The following WASHC4 variants were observed in gnomAD, a reference collection of about 807,000 sequenced individuals.
WASHC4 encodes the protein WASH complex subunit 7.
WASHC4 carries 86 observed loss-of-function variants against 166.6 expected under a neutral mutation model. The ratio of observed to expected loss-of-function variants is 0.52; its 90% CI spans 0.43 to 0.62. The LOEUF (loss-of-function observed/expected upper bound fraction) is 0.62. Among genes scored for constraint, WASHC4 ranks in the 20% least tolerant of loss-of-function variants. WASHC4 has a pLI of 0.00. For missense variants in WASHC4, 1,262 were observed against 1,382.4 expected, an observed-to-expected ratio of 0.91 and a Z score of 1.38; for synonymous variants, 446 against 451.6, an observed-to-expected ratio of 0.99 and a Z score of 0.16.
At chr12:105,127,321 T>A (rs1330304148) in intron 13 of WASHC4, 32 bp downstream of exon 13, 2 of 1,393,562 alleles carry the variant, frequency 1.4e-6, no homozygotes, top group East Asian at 2.3e-5. Flanking sequence ...AATGAAAATA[T>A]TTAGATATCC....
At position 105,156,741 on chromosome 12, in the gene WASHC4, A is replaced by G. The variant is rs1349850238; in HGVS notation, c.2774A>G (p.Tyr925Cys). Reference sequence around the variant, plus strand: ...GGTTTTTAAGGTAATGCTATGGGCTATGTACGAATGATAAGATCTGGTGGT... The same window carrying G: ...GGTTTTTAAGGTAATGCTATGGGCTGTGTACGAATGATAAGATCTGGTGGT... ...LISQIGNAMG[Y>C]VRMIRSGGLH... is the part of the protein sequence containing the mutation. Residue 925 changes from tyrosine to cysteine, a missense_variant, in exon 27 of 33, where the codon TAT (tyrosine) becomes TGT (cysteine). Physicochemically the swap from Tyr to Cys is radical, Grantham distance 194. Transcript: ENST00000332180. The G allele has an allele frequency of 2.2e-5, 36 of 1,611,810 alleles. No homozygotes were observed. Among genetic ancestry groups the G allele is most frequent in the Non-Finnish European group, 3.1e-5 (36 of 1,178,310 alleles).
intron 26 of WASHC4, among the ~76,000 whole-genome samples, 172 bp downstream of exon 26, chr12:105,152,623 C>T (rs1401468820): frequency 1.3e-5 from 2 of 152,102 alleles, no homozygotes; most frequent in Non-Finnish European, 2.9e-5. Flanking sequence ...ACTGTTGCTG[C>T]AGAAATAATT....
At position 105,117,647 on chromosome 12, in the gene WASHC4, AAT is replaced by A. The variant is rs540013379; in HGVS notation, c.436-796_436-795del. Among the ~76,000 whole-genome samples the A allele has an allele frequency of 1.5e-3, 234 of 152,290 alleles. 1 individual carries two copies. Among genetic ancestry groups the A allele is most frequent in the African/African-American group, 5.4e-3 (224 of 41,558 alleles). On this transcript the variant is annotated intron_variant, in intron 6 of 32. Transcript: ENST00000332180. ...AAATTCCGTTTTTAAACATTCAACA[AAT>A]ATGTTTTGTAAGCCTAGTATATGCT...
At chr12:105,131,051 G>C (rs1370332614) in intron 13 of WASHC4, among the ~76,000 whole-genome samples, 1 of 151,506 alleles carries the variant, frequency 6.6e-6, no homozygotes, top group African/African-American at 2.4e-5. Flanking sequence ...ACTTGAAGCA[G>C]TTTTGTTTTT....
At chr12:105,124,118 C>CTTT (rs544937988) in intron 10 of WASHC4, among the ~76,000 whole-genome samples, 2 of 138,966 alleles carry the variant, frequency 1.4e-5, no homozygotes, top group Non-Finnish European at 1.6e-5. Context: ...GTAAATATAA[C>CTTT]TTTTTTTTTT....
intron 1 of WASHC4, among the ~76,000 whole-genome samples, chr12:105,108,358 TA>T (rs1368895798): frequency 6.6e-6 from 1 of 152,240 alleles, no homozygotes; most frequent in African/African-American, 2.4e-5. Flanking sequence ...CGCGTTGCTA[TA>T]ACCGTAGAAG....
intron 26 of WASHC4, among the ~76,000 whole-genome samples, chr12:105,152,679 A>G (rs776106464): frequency 7.2e-5 from 11 of 152,214 alleles, no homozygotes; most frequent in African/African-American, 1.2e-4. Context: ...TTCAATTATA[A>G]TTAAAGTTAT....
At chr12:105,164,080 A>T in intron 30 of WASHC4, 31 bp from the exon 31 acceptor site, 1 of 1,599,260 alleles carries the variant, frequency 6.3e-7, no homozygotes. Flanking sequence ...TACTCACTGT[A>T]ATTTAACCTT....
intron 8 of WASHC4, 98 bp from the exon 9 acceptor site, chr12:105,120,998 TACTAA>T: frequency 1.3e-6 from 1 of 765,040 alleles, no homozygotes; most frequent in Non-Finnish European, 2.3e-6. Context: ...CCACTACTTT[TACTAA>T]TTCAGTAATC....
chr12:105,160,549 A>C (rs186859473), intron 29 of WASHC4, among the ~76,000 whole-genome samples: 1 of 152,080 alleles, frequency 6.6e-6, no homozygotes. Flanking sequence ...ATGGGGTCTC[A>C]CTGTGTAGCC....
At chr12:105,117,618 A>G (rs1880311538) in intron 6 of WASHC4, among the ~76,000 whole-genome samples, 1 of 152,226 alleles carries the variant, frequency 6.6e-6, no homozygotes, top group Non-Finnish European at 1.5e-5. Context: ...TCACAGCTGC[A>G]TAAAAATTCC....
intron 12 of WASHC4, among the ~76,000 whole-genome samples, chr12:105,126,563 G>C (rs1881306209): frequency 6.6e-6 from 1 of 151,984 alleles, no homozygotes; most frequent in Non-Finnish European, 1.5e-5. Flanking sequence ...CATATTGGTA[G>C]ATGGTGTTCA....
chr12:105,147,851 GC>G, intron 24 of WASHC4: 2 of 753,926 alleles, frequency 2.7e-6, no homozygotes, highest in Non-Finnish European at 3.2e-6. Flanking sequence ...GTTGCAGTGA[GC>G]TGAGATTGCG....
intron 29 of WASHC4, 95 bp from the exon 30 acceptor site, chr12:105,162,654 T>G: frequency 1.4e-6 from 1 of 711,274 alleles, no homozygotes. Context: ...CTATTTATAG[T>G]GATTCTATTT....
At position 105,140,330 on chromosome 12, in the gene WASHC4, G is replaced by A. The variant is rs1371341609; in HGVS notation, c.1489G>A (p.Val497Met). Residue 497 changes from valine to methionine, a missense_variant, in exon 16 of 33, where the codon GTG becomes ATG. Coordinates refer to ENST00000332180, the MANE Select transcript of WASHC4 (RefSeq NM_015275.3). ...EHMFYRRSMV[V>M]ADSVSHITQH... ...TATGTTCTACAGGAGAAGCATGGTT[G>A]TGGCTGATTCAGTTTCACATATAAC... 1.2e-6 allele frequency: 2 copies of A among 1,613,794 alleles called. No individual in the cohort carries two copies. The highest frequency in any genetic ancestry group is 1.7e-6 in the Non-Finnish European group (2 of 1,179,704).
At chr12:105,108,641 C>G (rs987713969) in intron 1 of WASHC4, among the ~76,000 whole-genome samples, 7 of 152,146 alleles carry the variant, frequency 4.6e-5, no homozygotes, top group African/African-American at 1.7e-4. Flanking sequence ...TAGTGAAACT[C>G]TACTTGAAAT....
chr12:105,129,379 A>T (rs1196820), intron 13 of WASHC4, among the ~76,000 whole-genome samples: 515 of 152,314 alleles, frequency 3.4e-3, no homozygotes, highest in Non-Finnish European at 5.4e-3. Flanking sequence ...CCATCACACC[A>T]GGCCTCTTTT....
At chr12:105,127,354 A>G (rs1281875741) in intron 13 of WASHC4, 65 bp downstream of exon 13, 1 of 1,100,444 alleles carries the variant, frequency 9.1e-7, no homozygotes, top group African/African-American at 1.6e-5. Flanking sequence ...GATTATACTA[A>G]CACTTAATGT....
intron 20 of WASHC4, among the ~76,000 whole-genome samples, chr12:105,143,745 AT>A (rs1230607732): frequency 6.6e-6 from 1 of 151,972 alleles, no homozygotes; most frequent in African/African-American, 2.4e-5. Context: ...ATTTAGTGAT[AT>A]TTTTATTTGG....
Sources: allele counts gnomAD v4.1 joint callset (sites outside exome capture counted in the v4.1 genomes callset), GRCh38; gene constraint gnomAD v4.1.1; transcripts MANE v1.5; gene names NCBI Gene and HGNC (gene_info 2026-07-23, HGNC 2026-07-21).